Variants in SFMBT2 observed in about 807,000 individuals in gnomAD.
SFMBT2 encodes scm-like with four MBT domains protein 2.
In SFMBT2, 38 loss-of-function variants were observed where a neutral mutation model predicts 110.1. The ratio of observed to expected loss-of-function variants is 0.35; its 90% CI spans 0.27 to 0.45. The LOEUF (loss-of-function observed/expected upper bound fraction) is 0.45. SFMBT2 is among the 20% of genes least tolerant of loss of function. The probability of loss-of-function intolerance (pLI) is 1.00; values close to 1 mark genes in which losing one functional copy is unlikely to be tolerated. For missense variants in SFMBT2, 1,011 were observed against 1,094.9 expected, an observed-to-expected ratio of 0.92 and a Z score of 1.08; for synonymous variants, 425 against 425.4, an observed-to-expected ratio of 1.00 and a Z score of 0.01.
chr10:7,289,448 T>C (rs1321938439), intron 4 of SFMBT2, among the ~76,000 whole-genome samples: 1 of 152,192 alleles, frequency 6.6e-6, no homozygotes, highest in Admixed American at 6.5e-5. Context: ...GCAAGGGAGC[T>C]CTAGGGACGG....
At chr10:7,258,743 T>C (rs184917472) in intron 7 of SFMBT2, among the ~76,000 whole-genome samples, 34 of 152,366 alleles carry the variant, frequency 2.2e-4, no homozygotes, top group African/African-American at 8.2e-4. Flanking sequence ...AGTGCTCAGA[T>C]GTTCATTAGA....
At position 7,163,663 on chromosome 10, in the gene SFMBT2, T is replaced by G; in HGVS notation, c.*107A>C. 8 of 989,992 alleles carry G rather than the reference T, an allele frequency of 8.1e-6. No homozygotes were observed. Among genetic ancestry groups the G allele is most frequent in the Non-Finnish European group, 1.1e-5 (7 of 663,308 alleles). 61.3% of individuals were successfully genotyped at this position (989,992 alleles called of 1,614,324 possible). ...TGGGCTTCTGGTTTTCTGGTGATAC[T>G]TAGTGGCTGTACCATTTAACATATC... On this transcript the variant is annotated 3_prime_UTR_variant, in exon 21 of 21. Transcript: ENST00000397167. The surrounding 1 kb of genome is among the most constrained non-coding windows in gnomAD (Gnocchi z 4.8).
intron 7 of SFMBT2, among the ~76,000 whole-genome samples, chr10:7,261,828 C>A (rs1841213974): frequency 6.6e-6 from 1 of 152,218 alleles, no homozygotes; most frequent in African/African-American, 2.4e-5. Flanking sequence ...AAACTGGAGG[C>A]AGATTTTATC....
chr10:7,304,782 G>A (rs1037196095), intron 4 of SFMBT2, among the ~76,000 whole-genome samples: 12 of 152,204 alleles, frequency 7.9e-5, no homozygotes, highest in African/African-American at 2.9e-4. Flanking sequence ...GGACAGAGAA[G>A]AGGGACAAAC....
At chr10:7,260,861 G>A (rs995490884) in intron 7 of SFMBT2, among the ~76,000 whole-genome samples, 4 of 151,822 alleles carry the variant, frequency 2.6e-5, no homozygotes, top group East Asian at 3.9e-4. Flanking sequence ...TACTGAATAG[G>A]CAACACTGAA....
At chr10:7,214,007 A>C (rs1410214677) in intron 11 of SFMBT2, among the ~76,000 whole-genome samples, 2 of 152,092 alleles carry the variant, frequency 1.3e-5, no homozygotes, top group Non-Finnish European at 2.9e-5. Flanking sequence ...AACGGTGGGA[A>C]GTGAGCCAGC....
intron 1 of SFMBT2, among the ~76,000 whole-genome samples, chr10:7,391,058 C>T (rs1845748939): frequency 6.6e-6 from 1 of 151,982 alleles, no homozygotes; most frequent in South Asian, 2.1e-4. Flanking sequence ...TGAGATCGCA[C>T]CATTGCACTC....
chr10:7,381,849 G>A lies in SFMBT2; in HGVS notation c.50C>T (p.Pro17Leu). The A allele has an allele frequency of 6.2e-7, 1 of 1,613,486 alleles. No individual in the cohort carries two copies. Among genetic ancestry groups the A allele is most frequent in the South Asian group, 1.1e-5 (1 of 91,020 alleles). The change falls in exon 2 of 21, where the codon CCC (proline) becomes CTC (leucine). Residue 17 changes from proline to leucine, a missense_variant. Around this residue, in one of 2 missense-constraint regions of SFMBT2, gnomAD observed 979 missense variants for 1,016.1 expected, o/e 0.96. Transcript: ENST00000397167. ...AGCTGAGCCGAGACACTTTTCCAAG[G>A]GTGAAGATGAAGGGTCTTGCATATT... Reference protein sequence around the residue: ...ASNMQDPSSSPLEKCLGSANG... With the variant: ...ASNMQDPSSSLLEKCLGSANG...
chr10:7,342,478 G>A (rs1359257283), intron 4 of SFMBT2, among the ~76,000 whole-genome samples: 1 of 131,162 alleles, frequency 7.6e-6, no homozygotes, highest in Non-Finnish European at 1.5e-5. Context: ...GTGCAATCTC[G>A]GCTCACTGCA....
chr10:7,310,394 C>G (rs1162462640), intron 4 of SFMBT2, among the ~76,000 whole-genome samples: 1 of 152,206 alleles, frequency 6.6e-6, no homozygotes, highest in Non-Finnish European at 1.5e-5. Flanking sequence ...GCACCCCGTG[C>G]CCAAGGCACT....
chr10:7,238,537 T>C (rs1165452752), intron 9 of SFMBT2, among the ~76,000 whole-genome samples: 1 of 152,186 alleles, frequency 6.6e-6, no homozygotes, highest in Non-Finnish European at 1.5e-5. Flanking sequence ...GGTTTTTCTT[T>C]AGGAAAAGAG....
intron 16 of SFMBT2, among the ~76,000 whole-genome samples, chr10:7,185,500 T>C (rs577382070): frequency 6.6e-6 from 1 of 152,210 alleles, no homozygotes; most frequent in South Asian, 2.1e-4. Context: ...AACCACTGCT[T>C]ATGAAAAAAA....
In SFMBT2 at chr10:7,215,693, G is replaced by C. The variant is rs1588347616; in HGVS notation, c.1330+4718C>G. On this transcript the variant is annotated intron_variant, in intron 11 of 20. Transcript: ENST00000397167. ...GGAGGAGAGTCCGCTGCAGGTGCCA[G>C]AGGGCGGCTGGCCGATGAATTTAAG... The C allele has an allele frequency of 1.0e-5, 10 of 985,346 alleles. No individual in the cohort carries two copies. The Admixed American group carries it at 6.1e-4, about 61-fold the overall frequency. 61.0% of individuals were successfully genotyped at this position (985,346 alleles called of 1,614,324 possible). A position where few individuals can be genotyped will look rare whatever the true frequency, so the allele number is the denominator to read the frequency against.
chr10:7,275,075 A>G (rs944322322), intron 7 of SFMBT2, among the ~76,000 whole-genome samples: 2 of 152,116 alleles, frequency 1.3e-5, no homozygotes, highest in Non-Finnish European at 2.9e-5. Flanking sequence ...GAACGCCACA[A>G]AGAGAGGCAC....
chr10:7,215,654 A>C, intron 11 of SFMBT2: 5 of 985,416 alleles, frequency 5.1e-6, no homozygotes, highest in Non-Finnish European at 6.0e-6. Flanking sequence ...CAGAGGCAGC[A>C]CAGAACCCTG....
chr10:7,262,037 C>T (rs1841222543), intron 7 of SFMBT2, among the ~76,000 whole-genome samples: 1 of 152,266 alleles, frequency 6.6e-6, no homozygotes, highest in African/African-American at 2.4e-5. Flanking sequence ...GGCATGGCCA[C>T]ACCACTGGGC....
chr10:7,214,489 G>T, intron 11 of SFMBT2: 1 of 885,116 alleles, frequency 1.1e-6, no homozygotes, highest in Non-Finnish European at 1.4e-6. Context: ...TCTTAAGATG[G>T]GCAAAGGACA....
intron 4 of SFMBT2, among the ~76,000 whole-genome samples, chr10:7,327,680 CAAAA>C (rs780856995): frequency 1.0e-5 from 1 of 99,128 alleles, no homozygotes; most frequent in African/African-American, 3.6e-5. Flanking sequence ...GACTCTAACT[CAAAA>C]AAAAAAAAAA....
intron 12 of SFMBT2, chr10:7,204,466 A>G: frequency 1.0e-6 from 1 of 984,600 alleles, no homozygotes; most frequent in Non-Finnish European, 1.2e-6. Flanking sequence ...CTAAGGACTC[A>G]TCATTTTAAA....
Sources: gnomAD v4.1 joint callset for allele counts (sites outside exome capture counted in the v4.1 genomes callset) on GRCh38, gnomAD v4.1.1 for gene constraint, gnomAD v4.1.1 regional missense constraint, Gnocchi (gnomAD v3.1) non-coding constraint, MANE v1.5 for transcripts, NCBI Gene and HGNC (gene_info 2026-07-23, HGNC 2026-07-21) for gene names.